The following CA10 variants were observed in gnomAD, a reference collection of about 807,000 sequenced individuals.
CA10 encodes the protein carbonic anhydrase 10 (inactive).
A neutral mutation model predicts 44.2 loss-of-function variants in CA10; 14 were observed. The observed-to-expected ratio is 0.32, with a 90% CI of 0.21 to 0.50. CA10 has a LOEUF of 0.50. Among genes scored for constraint, CA10 ranks in the 20% least tolerant of loss-of-function variants. CA10 has a pLI of 0.99. For missense variants in CA10, 350 were observed against 409.7 expected, an observed-to-expected ratio of 0.85 and a Z score of 1.26; for synonymous variants, 159 against 141.6, an observed-to-expected ratio of 1.12 and a Z score of -0.87.
intron 3 of CA10, among the ~76,000 whole-genome samples, chr17:51,913,018 TC>T (rs1360534287): frequency 6.6e-6 from 1 of 152,170 alleles, no homozygotes; most frequent in Non-Finnish European, 1.5e-5. Flanking sequence ...CTTTGCCCAC[TC>T]TTTATAGCTG....
At chr17:51,953,415 T>G (rs1437749917) in intron 2 of CA10, among the ~76,000 whole-genome samples, 1 of 152,106 alleles carries the variant, frequency 6.6e-6, no homozygotes, top group Non-Finnish European at 1.5e-5. Flanking sequence ...TGTTTGAATA[T>G]CTGTTTAATA....
chr17:51,710,921 CTTTTT>C (rs55854155), intron 4 of CA10, among the ~76,000 whole-genome samples: 139 of 84,478 alleles, frequency 1.6e-3, no homozygotes, highest in African/African-American at 5.7e-3. Flanking sequence ...CAACATTTTG[CTTTTT>C]TTTTTTTTTT....
chr17:52,003,058 C>T (rs1216171011), intron 2 of CA10, among the ~76,000 whole-genome samples: 1 of 151,946 alleles, frequency 6.6e-6, no homozygotes, highest in African/African-American at 2.4e-5. Context: ...GTCTCTTGTT[C>T]TTTCTAGAGA....
Position 51,870,688 on chromosome 17 carries a change from C to T in CA10, c.279+60302G>A, listed in dbSNP as rs1979761092. Among the ~76,000 whole-genome samples the T allele has an allele frequency of 2.0e-5, 3 of 152,214 alleles. No homozygotes were observed. The South Asian group carries it at 6.2e-4, about 32-fold the overall frequency. ...GATTAAGGTGTTTGCTTCGTGGAAG[C>T]AATCGCCATCAAGGAAGCATTGGCA... is the stretch of plus-strand genomic sequence containing the variant. On this transcript the variant is annotated intron_variant, in intron 3 of 8. Transcript: ENST00000451037.
At chr17:51,896,738 C>A (rs1455494133) in intron 3 of CA10, among the ~76,000 whole-genome samples, 3 of 152,108 alleles carry the variant, frequency 2.0e-5, no homozygotes, top group Non-Finnish European at 2.9e-5. Context: ...GTAACCTCCC[C>A]AGCATCTGTT....
intron 2 of CA10, among the ~76,000 whole-genome samples, chr17:52,050,623 T>TG (rs1392454851): frequency 2.0e-5 from 3 of 152,056 alleles, no homozygotes; most frequent in Non-Finnish European, 4.4e-5. Context: ...ATCCCTTCCT[T>TG]GGCTTTCTCT....
At chr17:52,130,705 T>C (rs1448961680) in intron 1 of CA10, among the ~76,000 whole-genome samples, 1 of 152,130 alleles carries the variant, frequency 6.6e-6, no homozygotes, top group African/African-American at 2.4e-5. Flanking sequence ...CTTCTTTCTT[T>C]CTTTTTTTTT....
chr17:51,681,448 C>A (rs1351959606), intron 4 of CA10, among the ~76,000 whole-genome samples: 1 of 152,178 alleles, frequency 6.6e-6, no homozygotes, highest in Non-Finnish European at 1.5e-5. Flanking sequence ...GATGGCTTCT[C>A]AATCTTGGCA....
At chr17:51,934,804 G>A (rs1451015444) in intron 2 of CA10, among the ~76,000 whole-genome samples, 2 of 152,072 alleles carry the variant, frequency 1.3e-5, no homozygotes, top group Non-Finnish European at 1.5e-5. Context: ...TGTTAGGAGC[G>A]GTGTTAAGTG....
chr17:52,088,914 T>C (rs1598208474), intron 1 of CA10, among the ~76,000 whole-genome samples: 1 of 152,096 alleles, frequency 6.6e-6, no homozygotes, highest in East Asian at 1.9e-4. Flanking sequence ...AAGTGAAAAA[T>C]ACACTATAGA....
chr17:51,839,434 A>G (rs955185636), intron 3 of CA10, among the ~76,000 whole-genome samples: 46 of 135,516 alleles, frequency 3.4e-4, no homozygotes, highest in African/African-American at 1.2e-3. Context: ...CGGAGCTTGC[A>G]GTGAGCCCAG....
In CA10 at chr17:51,747,688, C is replaced by T; in HGVS notation, c.410G>A (p.Ser137Asn). ...RLEEIRLHFG[S>N]EDSQGSEHLL... ...GTGCTCCGACCCTTGGCTGTCCTCACTCCCAAAGTGTAGTCGGATCTCCTC... is the reference window on the plus strand; with the variant it reads ...GTGCTCCGACCCTTGGCTGTCCTCATTCCCAAAGTGTAGTCGGATCTCCTC... The change falls in exon 4 of 9, where the codon AGT becomes AAT. Residue 137 changes from serine (S) to asparagine (N), a missense_variant. Ser to Asn is a conservative substitution (Grantham distance 46). Coordinates refer to ENST00000451037, the MANE Select transcript of CA10 (RefSeq NM_020178.5). 6.2e-7 allele frequency: 1 copy of T among 1,614,224 alleles called. No homozygotes were observed. Among genetic ancestry groups the T allele is most frequent in the South Asian group, 1.1e-5 (1 of 91,086 alleles).
chr17:51,728,698 G>A (rs1916612009), intron 4 of CA10, among the ~76,000 whole-genome samples: 5 of 152,132 alleles, frequency 3.3e-5, no homozygotes, highest in Admixed American at 3.3e-4. Context: ...TGGCCCAGGT[G>A]GTGTCTGCCA....
intron 2 of CA10, among the ~76,000 whole-genome samples, chr17:52,048,254 T>C (rs1236812100): frequency 2.0e-5 from 3 of 151,928 alleles, no homozygotes; most frequent in African/African-American, 7.2e-5. Context: ...TACAAATGCA[T>C]CTGGGAAGCA....
intron 6 of CA10, among the ~76,000 whole-genome samples, chr17:51,637,909 T>C (rs537692942): frequency 4.6e-5 from 7 of 152,216 alleles, no homozygotes; most frequent in Non-Finnish European, 8.8e-5. Flanking sequence ...ACAAGATAGA[T>C]GCAGTCCTTG....
intron 2 of CA10, among the ~76,000 whole-genome samples, chr17:52,019,079 G>C (rs1986057305): frequency 6.6e-6 from 1 of 152,092 alleles, no homozygotes; most frequent in Non-Finnish European, 1.5e-5. Flanking sequence ...ACCACAAGGA[G>C]ATTCTAATGC....
chr17:51,820,008 C>T, intron 3 of CA10, among the ~76,000 whole-genome samples: 1 of 152,058 alleles, frequency 6.6e-6, no homozygotes. Context: ...TGCTGAGTTC[C>T]CATATACATT....
intron 1 of CA10, among the ~76,000 whole-genome samples, chr17:52,157,075 A>T (rs1989818386): frequency 6.6e-6 from 1 of 152,218 alleles, no homozygotes; most frequent in Admixed American, 6.5e-5. Flanking sequence ...GGTCTGAGCC[A>T]GCACATCCTT....
chr17:51,847,783 G>A (rs1978562695), intron 3 of CA10, among the ~76,000 whole-genome samples: 2 of 152,088 alleles, frequency 1.3e-5, no homozygotes, highest in African/African-American at 4.8e-5. Context: ...AGCACCCCTT[G>A]GGGACTGAGA....
Sources: gnomAD v4.1 joint callset for allele counts (sites outside exome capture counted in the v4.1 genomes callset) on GRCh38, gnomAD v4.1.1 for gene constraint, MANE v1.5 for transcripts, NCBI Gene and HGNC (gene_info 2026-07-23, HGNC 2026-07-21) for gene names.